PTPRK: variants seen among roughly 807,000 people sequenced by gnomAD.
PTPRK encodes the protein receptor-type tyrosine-protein phosphatase kappa.
A neutral mutation model predicts 178.0 loss-of-function variants in PTPRK; 75 were observed. That is an observed-to-expected ratio of 0.42 (90% CI 0.35 to 0.51). The LOEUF is 0.51. Among genes scored for constraint, PTPRK ranks in the 20% least tolerant of loss-of-function variants. The probability of loss-of-function intolerance (pLI) is 0.02; values close to 1 mark genes in which losing one functional copy is unlikely to be tolerated. For synonymous variants in PTPRK, 637 were observed against 620.6 expected, an observed-to-expected ratio of 1.03 and a Z score of -0.39; for missense variants, 1,441 against 1,797.8, an observed-to-expected ratio of 0.80 and a Z score of 3.59.
At chr6:128,156,304 T>G (rs1455105904) in intron 7 of PTPRK, among the ~76,000 whole-genome samples, 1 of 151,954 alleles carries the variant, frequency 6.6e-6, no homozygotes, top group East Asian at 1.9e-4. Context: ...TAGGTATTTG[T>G]CCATTCTCAC....
At chr6:128,023,418 C>T (rs1230529499) in intron 13 of PTPRK, among the ~76,000 whole-genome samples, 1 of 152,138 alleles carries the variant, frequency 6.6e-6, no homozygotes, top group Non-Finnish European at 1.5e-5. Context: ...GTGTCAGCCC[C>T]TCCTAACTTT....
At chr6:128,023,828 T>G (rs1773886587) in intron 13 of PTPRK, among the ~76,000 whole-genome samples, 3 of 147,092 alleles carry the variant, frequency 2.0e-5, no homozygotes, top group Non-Finnish European at 2.9e-5. Flanking sequence ...TAATGTTTTC[T>G]TTCTTTCTTT....
At chr6:128,336,452 A>T (rs569884485) in intron 2 of PTPRK, among the ~76,000 whole-genome samples, 1 of 152,260 alleles carries the variant, frequency 6.6e-6, no homozygotes, top group Non-Finnish European at 1.5e-5. Flanking sequence ...TCCTTCCCCT[A>T]CCCCAAGGCG....
In PTPRK at chr6:128,269,352, G is replaced by C. The variant is rs145494485; in HGVS notation, c.496-26750C>G. ...TAAAGACAATCCCAGCAGCCAAAAA[G>C]CCAGAGACTAGATAAAATAAAGGTA... On this transcript the variant is annotated intron_variant, in intron 3 of 29. Coordinates refer to ENST00000368226, the MANE Select transcript of PTPRK (RefSeq NM_002844.4). 3.6e-3 allele frequency among the ~76,000 whole-genome samples: 551 copies of C among 151,924 alleles called. 3 individuals are homozygous for C. The highest frequency in any genetic ancestry group is 0.013 in the African/African-American group (521 of 41,470).
chr6:128,510,818 T>C (rs1211878176), intron 1 of PTPRK, among the ~76,000 whole-genome samples: 1 of 151,970 alleles, frequency 6.6e-6, no homozygotes, highest in Non-Finnish European at 1.5e-5. Flanking sequence ...AAAAATTTTT[T>C]AATCTTAAAT....
At chr6:128,000,002 A>G in intron 15 of PTPRK, 1 of 939,284 alleles carries the variant, frequency 1.1e-6, no homozygotes, top group Non-Finnish European at 1.3e-6. Flanking sequence ...TGAAGAATAA[A>G]CAGTACTTTA....
intron 1 of PTPRK, among the ~76,000 whole-genome samples, chr6:128,434,788 G>A (rs1323502833): frequency 2.0e-5 from 3 of 152,050 alleles, no homozygotes; most frequent in Admixed American, 6.5e-5. Context: ...GAAAGGCCAA[G>A]GTGGGAGGAT....
chr6:128,352,208 C>T (rs1055737249), intron 2 of PTPRK, among the ~76,000 whole-genome samples: 5 of 144,988 alleles, frequency 3.4e-5, no homozygotes, highest in Admixed American at 1.4e-4. Context: ...GAGCAGAGAT[C>T]GCACCACTGC....
At chr6:128,481,065 A>G (rs1488143062) in intron 1 of PTPRK, among the ~76,000 whole-genome samples, 1 of 152,048 alleles carries the variant, frequency 6.6e-6, no homozygotes, top group Non-Finnish European at 1.5e-5. Flanking sequence ...CAGCCCTGAG[A>G]ACAAACTGCA....
At chr6:128,000,306 TC>T (rs779991073) in intron 15 of PTPRK, 54 of 1,301,218 alleles carry the variant, frequency 4.1e-5, no homozygotes, top group Non-Finnish European at 5.2e-5. Flanking sequence ...TGAATTGTTG[TC>T]CCCATGATAA....
At chr6:128,520,229 G>C in intron 1 of PTPRK, 30 bp downstream of exon 1, 1 of 1,550,982 alleles carries the variant, frequency 6.4e-7, no homozygotes, top group Non-Finnish European at 8.7e-7. Context: ...GACTCCAGGC[G>C]TTCGTCGGGG....
rs1470271333 is a variant in PTPRK at position 127,985,706 on chromosome 6, T to C, written c.3251+15A>G. 2 of 1,603,082 alleles carry C rather than the reference T, an allele frequency of 1.2e-6. No individual in the cohort carries two copies. The highest frequency in any genetic ancestry group is 1.7e-6 in the Non-Finnish European group (2 of 1,171,642). ...CTGATTGCATACAGTCAATACCATT[T>C]GGACCACCACTTACCTGCAATGTAC... is the stretch of plus-strand genomic sequence containing the variant. On this transcript the variant is annotated intron_variant, in intron 22 of 29. Transcript: ENST00000368226.
At chr6:128,214,822 T>C (rs768271454) in intron 6 of PTPRK, among the ~76,000 whole-genome samples, 1 of 152,168 alleles carries the variant, frequency 6.6e-6, no homozygotes, top group Non-Finnish European at 1.5e-5. Flanking sequence ...CTAGTTTATA[T>C]TGTCTTACAA....
chr6:128,164,777 G>C (rs1328437886), intron 7 of PTPRK, among the ~76,000 whole-genome samples: 1 of 150,678 alleles, frequency 6.6e-6, no homozygotes, highest in African/African-American at 2.4e-5. Context: ...AAGGCCAGGG[G>C]AAAAGAACAC....
intron 1 of PTPRK, among the ~76,000 whole-genome samples, chr6:128,423,724 A>T (rs1165704125): frequency 6.6e-6 from 1 of 152,078 alleles, no homozygotes; most frequent in Non-Finnish European, 1.5e-5. Flanking sequence ...GCTACACGGG[A>T]GGCTGAGGCA....
intron 7 of PTPRK, among the ~76,000 whole-genome samples, chr6:128,125,696 G>A (rs887154260): frequency 4.9e-5 from 6 of 122,198 alleles, no homozygotes; most frequent in South Asian, 3.0e-4. Context: ...TGCAACCCCC[G>A]CCTCCCAGGT....
chr6:128,018,546 G>A (rs1779869533), intron 13 of PTPRK, among the ~76,000 whole-genome samples: 1 of 151,034 alleles, frequency 6.6e-6, no homozygotes, highest in South Asian at 2.1e-4. Flanking sequence ...TTGAATTCCA[G>A]CTTTGCCACA....
intron 13 of PTPRK, among the ~76,000 whole-genome samples, chr6:128,060,601 T>C (rs557212858): frequency 6.6e-6 from 1 of 152,288 alleles, no homozygotes; most frequent in African/African-American, 2.4e-5. Flanking sequence ...GTCATAAGAA[T>C]AGCAGTGATT....
At chr6:128,463,856 A>T (rs1464322453) in intron 1 of PTPRK, among the ~76,000 whole-genome samples, 1 of 149,934 alleles carries the variant, frequency 6.7e-6, no homozygotes, top group African/African-American at 2.5e-5. Flanking sequence ...GGTTCAGGCA[A>T]TTCTCCTGCC....
Sources: gnomAD v4.1 joint callset for allele counts (sites outside exome capture counted in the v4.1 genomes callset) on GRCh38, gnomAD v4.1.1 for gene constraint, MANE v1.5 for transcripts, NCBI Gene and HGNC (gene_info 2026-07-23, HGNC 2026-07-21) for gene names.